MUC3A: variants seen among roughly 807,000 people sequenced by gnomAD.
MUC3A encodes the protein mucin-3A.
Under a neutral mutation model 109.0 loss-of-function variants are expected in MUC3A, and 109 were observed. The ratio of observed to expected loss-of-function variants is 1.00; its 90% CI spans 0.86 to 1.17. MUC3A has a LOEUF of 1.17. Ranked by LOEUF, MUC3A falls within the 50% of genes most tolerant of loss-of-function variation. The pLI, the probability that MUC3A is intolerant of heterozygous loss-of-function variation, is 0.00. For synonymous variants in MUC3A, 1,398 were observed against 981.4 expected, an observed-to-expected ratio of 1.42 and a Z score of -7.93; for missense variants, 3,537 against 2,469.4, an observed-to-expected ratio of 1.43 and a Z score of -9.16.
In MUC3A at chr7:100,960,197, T is replaced by G; in HGVS notation, c.8418T>G (p.Phe2806Leu). 1 of 1,592,774 alleles carries G rather than the reference T, an allele frequency of 6.3e-7. No homozygotes were observed. Among genetic ancestry groups the G allele is most frequent in the Non-Finnish European group, 8.5e-7 (1 of 1,175,980 alleles). ...TSPPTTPLTV[F>L]PFTTEMVTCP... ...CTCCCACCACCCCATTAACAGTCTT[T>G]CCCTTTACTACCGAAATGGTCACCT... Residue 2806 changes from phenylalanine (F) to leucine (L), a missense_variant, in exon 2 of 12, where the codon TTT becomes TTG. Transcript: ENST00000379458.
At chr7:100,966,348 C>A (rs1459365256) in intron 8 of MUC3A, 38 bp from the exon 9 acceptor site, 5 of 1,298,620 alleles carry the variant, frequency 3.9e-6, no homozygotes. Context: ...ACCCCGAGCC[C>A]GGAGGTGAAG....
In MUC3A at chr7:100,952,037, C is replaced by A. The variant is rs776785897; in HGVS notation, c.258C>A (p.Leu86=). 6.3e-7 allele frequency: 1 copy of A among 1,598,668 alleles called. No homozygotes were observed. The highest frequency in any genetic ancestry group is 1.1e-5 in the South Asian group (1 of 91,082). ...TCACTACCTCCCCCCATGACACACT[C>A]ATCTCTGAAACATTGCTCAACTCTC... is the stretch of plus-strand genomic sequence containing the variant. The part of the protein sequence containing the change: ...MTLTTSPHDT[L]ISETLLNSPV... The change falls in exon 2 of 12, where the codon CTC becomes CTA. Residue 86 remains leucine, a synonymous_variant. Coordinates refer to ENST00000379458, the MANE Select transcript of MUC3A (RefSeq NM_005960.2).
rs768486747 is a variant in MUC3A at position 100,960,572 on chromosome 7, C to T, written c.8793C>T (p.Thr2931=). ...CAGTGGCCACTACCCAGACTCCTAC[C>T]ACCCTTACATCACGCAGGACAACTC... is the stretch of plus-strand genomic sequence containing the variant. The part of the protein sequence containing the change: ...ETPVATTQTP[T]TLTSRRTTRI... Residue 2931 remains threonine (T), a synonymous_variant, in exon 2 of 12, where the codon ACC becomes ACT. Transcript: ENST00000379458. The T allele has an allele frequency of 6.9e-6, 11 of 1,598,586 alleles. No individual in the cohort carries two copies. Among genetic ancestry groups the T allele is most frequent in the Admixed American group, 1.7e-5 (1 of 60,014 alleles).
At position 100,952,527 on chromosome 7, in the gene MUC3A, A is replaced by G. The variant is rs1791981631; in HGVS notation, c.748A>G (p.Lys250Glu). The G allele has an allele frequency of 6.3e-7, 1 of 1,598,508 alleles. No homozygotes were observed. Residue 250 changes from lysine to glutamate, a missense_variant, in exon 2 of 12, where the codon AAA becomes GAA. By Grantham distance (56) the Lys-to-Glu change is moderately conservative. Coordinates refer to ENST00000379458, the MANE Select transcript of MUC3A (RefSeq NM_005960.2). ...TSPTPVFTTL[K>E]TAVTSTSPIT... ...CCCAACCCCAGTATTTACTACTCTC[A>G]AAACAGCAGTGACTTCCACTTCCCC...
chr7:100,957,157 T>G lies in MUC3A; in HGVS notation c.5378T>G (p.Phe1793Cys). The G allele has an allele frequency of 2.2e-6, 1 of 454,044 alleles. No individual in the cohort carries two copies. The highest frequency in any genetic ancestry group is 3.8e-6 in the Non-Finnish European group (1 of 259,922). 28.1% of individuals were successfully genotyped at this position (454,044 alleles called of 1,614,324 possible). Residue 1793 changes from phenylalanine to cysteine, a missense_variant, in exon 2 of 12, where the codon TTT (phenylalanine) becomes TGT (cysteine). By Grantham distance (205) the Phe-to-Cys change is radical (BLOSUM62 -2). Transcript: ENST00000379458. ...GPTATNTLPSFTSSVSSSTPV... is the reference protein window; with the variant it reads ...GPTATNTLPSCTSSVSSSTPV... ...ACAGCCACTAATACGTTACCATCAT[T>G]TACCAGTAGCGTTTCATCTTCTACG...
At chr7:100,967,079 C>T (rs775145965) in intron 11 of MUC3A, 42 bp from the exon 12 acceptor site, 1 of 1,598,412 alleles carries the variant, frequency 6.3e-7, no homozygotes, top group Non-Finnish European at 8.5e-7. Flanking sequence ...TCAGCCCAAA[C>T]CAGTGGCTCC....
rs1278736058 is a variant in MUC3A at position 100,956,990 on chromosome 7, T to C, written c.5211T>C (p.Pro1737=). Residue 1737 remains proline (P), a synonymous_variant, in exon 2 of 12, where the codon CCT becomes CCC. Transcript: ENST00000379458. ...TTFTSSTATS[P]KTTTLTPTSD... ...TCACCAGTTCAACAGCCACATCCCC[T>C]AAGACCACCACACTGACTCCTACCT... The C allele has an allele frequency of 2.3e-6, 1 of 438,442 alleles. No individual in the cohort carries two copies. Among genetic ancestry groups the C allele is most frequent in the South Asian group, 8.4e-5 (1 of 11,914 alleles). The allele number at this position is 438,442 out of a possible 1,614,324, so 27.2% of individuals were successfully genotyped here. A position where few individuals can be genotyped will look rare whatever the true frequency, so the allele number is the denominator to read the frequency against.
chr7:100,963,286 GA>G lies in MUC3A; in HGVS notation c.9168+21del. 4.0e-6 allele frequency: 6 copies of G among 1,494,776 alleles called. No homozygotes were observed. Among genetic ancestry groups the G allele is most frequent in the African/African-American group, 1.5e-5 (1 of 65,802 alleles). 92.6% of individuals were successfully genotyped at this position (1,494,776 alleles called of 1,614,324 possible). A position where few individuals can be genotyped will look rare whatever the true frequency, so the allele number is the denominator to read the frequency against. ...AATCAGGTAAAGGGCAAAGAGAGGG[GA>G]TTTTTTTTTTTTTTTTGAGGTGTAG... On this transcript the variant is annotated intron_variant, in intron 4 of 11. Transcript: ENST00000379458.
At chr7:100,960,669 C>T (rs571517755) in intron 2 of MUC3A, 24 bp downstream of exon 2, 3 of 1,593,382 alleles carry the variant, frequency 1.9e-6, no homozygotes, top group African/African-American at 1.3e-5. Flanking sequence ...CCTCTCTGTT[C>T]CCCTCCTTCC....
chr7:100,957,290 T>C lies in MUC3A; in HGVS notation c.5511T>C (p.Ser1837=). ...SNSDTSSTPT[S]ETTYPTSLTS... The stretch of plus-strand genomic sequence containing the variant: ...CCGACACCAGTTCTACACCTACATC[T>C]GAGACCACCTACCCTACTTCTCTTA... Residue 1837 remains serine (S), a synonymous_variant, in exon 2 of 12, where the codon TCT becomes TCC. Coordinates refer to ENST00000379458, the MANE Select transcript of MUC3A (RefSeq NM_005960.2). The C allele has an allele frequency of 1.8e-6, 1 of 564,256 alleles. No homozygotes were observed. Among genetic ancestry groups the C allele is most frequent in the Admixed American group, 3.5e-5 (1 of 28,772 alleles). 35.0% of individuals were successfully genotyped at this position (564,256 alleles called of 1,614,324 possible).
In MUC3A at chr7:100,952,375, C is replaced by G. The variant is rs1386582613; in HGVS notation, c.596C>G (p.Pro199Arg). The G allele has an allele frequency of 6.3e-7, 1 of 1,598,520 alleles. No individual in the cohort carries two copies. Among genetic ancestry groups the G allele is most frequent in the Non-Finnish European group, 8.5e-7 (1 of 1,179,760 alleles). Residue 199 changes from proline to arginine, a missense_variant, in exon 2 of 12, where the codon CCC becomes CGC. Physicochemically the swap from Pro to Arg is moderately radical, Grantham distance 103. Transcript: ENST00000379458. ...SPSTTTARET[P>R]IVTVTPSSVS... ...TCTACCACCACTGCAAGGGAAACTCCCATAGTGACAGTGACACCCTCCTCT... is the reference window on the plus strand; with the variant it reads ...TCTACCACCACTGCAAGGGAAACTCGCATAGTGACAGTGACACCCTCCTCT...
chr7:100,955,282 C>G lies in MUC3A; in HGVS notation c.3503C>G (p.Thr1168Ser). The G allele has an allele frequency of 1.3e-6, 1 of 764,576 alleles. No homozygotes were observed. The highest frequency in any genetic ancestry group is 2.4e-6 in the Non-Finnish European group (1 of 417,712). 47.4% of individuals were successfully genotyped at this position (764,576 alleles called of 1,614,324 possible). ...TACTCCACAGTCAGCACATCCACAA[C>G]TGCCATCTCCTCAGCTTCCCCTACC... ...TIYSTVSTSTTAISSASPTSG... is the reference protein window; with the variant it reads ...TIYSTVSTSTSAISSASPTSG... Residue 1168 changes from threonine to serine, a missense_variant, in exon 2 of 12, where the codon ACT (threonine) becomes AGT (serine). By Grantham distance (58) the Thr-to-Ser change is moderately conservative. Coordinates refer to ENST00000379458, the MANE Select transcript of MUC3A (RefSeq NM_005960.2).
Position 100,955,462 on chromosome 7 carries a change from G to C in MUC3A, c.3683G>C (p.Ser1228Thr), listed in dbSNP as rs1003917543. ...TDLTSTFTVS[S>T]SSAMSTSVIP... ...CTCACATCAACATTCACTGTTTCCA[G>C]TTCCTCAGCAATGTCCACAAGTGTC... Residue 1228 changes from serine to threonine, a missense_variant, in exon 2 of 12, where the codon AGT becomes ACT. Ser to Thr is a moderately conservative substitution (Grantham distance 58, BLOSUM62 1). Transcript: ENST00000379458. 2 of 572,954 alleles carry C rather than the reference G, an allele frequency of 3.5e-6. No homozygotes were observed. The highest frequency in any genetic ancestry group is 2.4e-5 in the South Asian group (1 of 42,240). 35.5% of individuals were successfully genotyped at this position (572,954 alleles called of 1,614,324 possible). A position where few individuals can be genotyped will look rare whatever the true frequency, so the allele number is the denominator to read the frequency against.
In MUC3A at chr7:100,959,419, C is replaced by T. The variant is rs374517359; in HGVS notation, c.7640C>T (p.Thr2547Ile). ...TCCCTTGTGGGCACCACCTCTCCCA[C>T]CATGTCCACTGTGAGAATGACCCTC... ...TSSLVGTTSPTMSTVRMTLRI... is the reference protein window; with the variant it reads ...TSSLVGTTSPIMSTVRMTLRI... Residue 2547 changes from threonine to isoleucine, a missense_variant, in exon 2 of 12, where the codon ACC (threonine) becomes ATC (isoleucine). Transcript: ENST00000379458. 3 of 1,538,976 alleles carry T rather than the reference C, an allele frequency of 1.9e-6. No individual in the cohort carries two copies. Among genetic ancestry groups the T allele is most frequent in the East Asian group, 4.5e-5 (2 of 44,654 alleles).
chr7:100,952,795 C>A lies in MUC3A; in HGVS notation c.1016C>A (p.Ser339Tyr), dbSNP rs934973062. 1 of 1,547,814 alleles carries A rather than the reference C, an allele frequency of 6.5e-7. No individual in the cohort carries two copies. The highest frequency in any genetic ancestry group is 1.4e-5 in the African/African-American group (1 of 73,344). The change falls in exon 2 of 12, where the codon TCT (serine) becomes TAT (tyrosine). Residue 339 changes from serine to tyrosine, a missense_variant. By Grantham distance (144) the Ser-to-Tyr change is moderately radical. Coordinates refer to ENST00000379458, the MANE Select transcript of MUC3A (RefSeq NM_005960.2). ...TPTSETTYTT[S>Y]PTSTVTDSTT... ...ACATCTGAGACCACCTACACTACTT[C>A]TCCCACCAGCACTGTCACAGACTCC...
rs1258945581 is a variant in MUC3A at position 100,963,837 on chromosome 7, T to C, written c.9233+85T>C. 3.2e-6 allele frequency: 5 copies of C among 1,568,070 alleles called. No homozygotes were observed. The African/African-American group carries it at 5.4e-5, about 17-fold the overall frequency. On this transcript the variant is annotated intron_variant, in intron 5 of 11. Coordinates refer to ENST00000379458, the MANE Select transcript of MUC3A (RefSeq NM_005960.2). ...AAAAACCCATTCCTTTCTTTTGTAATCATCAGATTTTATAAAGAGGGGTGG... is the reference window on the plus strand; with the variant it reads ...AAAAACCCATTCCTTTCTTTTGTAACCATCAGATTTTATAAAGAGGGGTGG...
In MUC3A at chr7:100,958,825, A is replaced by T. The variant is rs575011748; in HGVS notation, c.7046A>T (p.Glu2349Val). The T allele has an allele frequency of 3.3e-6, 5 of 1,520,208 alleles. No individual in the cohort carries two copies. Among genetic ancestry groups the T allele is most frequent in the Non-Finnish European group, 4.4e-6 (5 of 1,126,706 alleles). The allele number at this position is 1,520,208 out of a possible 1,614,324, so 94.2% of individuals were successfully genotyped here. Residue 2349 changes from glutamate to valine, a missense_variant, in exon 2 of 12, where the codon GAG becomes GTG. By Grantham distance (121) the Glu-to-Val change is moderately radical. Transcript: ENST00000379458. Reference sequence around the variant, plus strand: ...TTCACTTCTTCGATCACCACCACCGAGACCAACTCTCACAGTACTACCAGC... The same window carrying T: ...TTCACTTCTTCGATCACCACCACCGTGACCAACTCTCACAGTACTACCAGC... ...RSFTSSITTT[E>V]TNSHSTTSFT...
rs750400923 is a variant in MUC3A at position 100,951,992 on chromosome 7, G to A, written c.213G>A (p.Arg71=). Residue 71 remains arginine, a synonymous_variant, in exon 2 of 12, where the codon AGG becomes AGA. Transcript: ENST00000379458. ...PQLASPAPGH[R]ENAPMTLTTS... The stretch of plus-strand genomic sequence containing the variant: ...TCGCCTCTCCTGCTCCTGGCCACAG[G>A]GAAAATGCACCTATGACACTCACTA... 1.3e-6 allele frequency: 2 copies of A among 1,598,668 alleles called. No individual in the cohort carries two copies. The highest frequency in any genetic ancestry group is 8.5e-7 in the Non-Finnish European group (1 of 1,179,816).
chr7:100,963,544 CAA>C, intron 4 of MUC3A, 142 bp from the exon 5 acceptor site: 10 of 1,304,710 alleles, frequency 7.7e-6, no homozygotes, highest in Middle Eastern at 2.1e-4. Context: ...CTCGTCCTCC[CAA>C]AGTGTTGGGA....
Sources: gnomAD v4.1 joint callset for allele counts on GRCh38, gnomAD v4.1.1 for gene constraint, MANE v1.5 for transcripts, NCBI Gene and HGNC (gene_info 2026-07-23, HGNC 2026-07-21) for gene names.